The following GRM8 variants were observed in gnomAD, a reference collection of about 807,000 sequenced individuals.
The protein encoded by GRM8 is glutamate metabotropic receptor 8.
Under a neutral mutation model 87.2 loss-of-function variants are expected in GRM8, and 47 were observed. The ratio of observed to expected loss-of-function variants is 0.54; its 90% CI spans 0.43 to 0.69. The LOEUF (loss-of-function observed/expected upper bound fraction) is 0.69. Among genes scored for constraint, GRM8 ranks in the 30% least tolerant of loss-of-function variants. GRM8 has a pLI of 0.00. For synonymous variants in GRM8, 396 were observed against 404.5 expected, an observed-to-expected ratio of 0.98 and a Z score of 0.25; for missense variants, 1,019 against 1,139.2, an observed-to-expected ratio of 0.89 and a Z score of 1.52.
intron 3 of GRM8, among the ~76,000 whole-genome samples, chr7:127,033,009 CT>C (rs5887323): frequency 7.4e-4 from 104 of 139,926 alleles, no homozygotes; most frequent in Admixed American, 2.1e-3. Context: ...CTTTCGTTTC[CT>C]TTTTTTTTTT....
At chr7:127,089,641 T>A (rs1054250523) in intron 3 of GRM8, among the ~76,000 whole-genome samples, 1 of 152,204 alleles carries the variant, frequency 6.6e-6, no homozygotes, top group Non-Finnish European at 1.5e-5. Context: ...TTTACTCCTA[T>A]ACTGTTTTAA....
At chr7:127,231,294 G>A (rs1324957268) in intron 2 of GRM8, among the ~76,000 whole-genome samples, 3 of 152,108 alleles carry the variant, frequency 2.0e-5, no homozygotes, top group African/African-American at 4.8e-5. Flanking sequence ...GCTATACCAG[G>A]CACTGTTCAG....
chr7:126,704,050 T>A (rs758318851), intron 7 of GRM8, among the ~76,000 whole-genome samples: 3 of 152,170 alleles, frequency 2.0e-5, no homozygotes, highest in Non-Finnish European at 4.4e-5. Flanking sequence ...TCAGGACGTC[T>A]ACAACCCTCT....
intron 2 of GRM8, among the ~76,000 whole-genome samples, chr7:127,213,782 G>A (rs1796360084): frequency 6.6e-6 from 1 of 152,070 alleles, no homozygotes; most frequent in East Asian, 1.9e-4. Context: ...TTTGAATATG[G>A]TTTTGTTTAC....
intron 2 of GRM8, among the ~76,000 whole-genome samples, chr7:127,211,389 C>T (rs1380308645): frequency 6.6e-6 from 1 of 152,222 alleles, no homozygotes; most frequent in African/African-American, 2.4e-5. Flanking sequence ...CCAGTCTAGT[C>T]ATTCCGCATT....
At chr7:126,996,722 T>C (rs182338519) in intron 3 of GRM8, among the ~76,000 whole-genome samples, 3 of 151,992 alleles carry the variant, frequency 2.0e-5, no homozygotes, top group Admixed American at 6.6e-5. Context: ...GGCAAATGGG[T>C]CAATTCAGCA....
At chr7:127,094,667 T>C (rs577866266) in intron 3 of GRM8, among the ~76,000 whole-genome samples, 7 of 152,280 alleles carry the variant, frequency 4.6e-5, no homozygotes, top group Admixed American at 1.3e-4. Context: ...GCTCCCAAAC[T>C]GTGGAGGCCA....
chr7:126,602,097 A>G (rs1357662218), intron 8 of GRM8, among the ~76,000 whole-genome samples: 1 of 137,612 alleles, frequency 7.3e-6, no homozygotes, highest in Non-Finnish European at 1.6e-5. Flanking sequence ...TCCATCTTGA[A>G]TTGATTTTTG....
intron 8 of GRM8, among the ~76,000 whole-genome samples, chr7:126,607,021 C>A (rs1798428171): frequency 1.3e-5 from 2 of 152,202 alleles, no homozygotes; most frequent in Admixed American, 6.5e-5. Flanking sequence ...TAATGATAGG[C>A]AGTCCGACAT....
chr7:126,657,215 G>A (rs182546518), intron 7 of GRM8, among the ~76,000 whole-genome samples: 15 of 20,960 alleles, frequency 7.2e-4, no homozygotes, highest in Non-Finnish European at 1.1e-3. Context: ...CTTAAGTTAC[G>A]AGATCAAGTC....
At chr7:126,878,235 C>G (rs1799700926) in intron 6 of GRM8, among the ~76,000 whole-genome samples, 2 of 152,170 alleles carry the variant, frequency 1.3e-5, no homozygotes, top group African/African-American at 4.8e-5. Flanking sequence ...TTACAATTCA[C>G]AAAACTTGTT....
chr7:127,027,197 T>C (rs1816874414), intron 3 of GRM8, among the ~76,000 whole-genome samples: 1 of 152,174 alleles, frequency 6.6e-6, no homozygotes, highest in African/African-American at 2.4e-5. Flanking sequence ...GGTCTATATA[T>C]CTGTTTTGGT....
chr7:126,724,629 G>A (rs905012450), intron 7 of GRM8, among the ~76,000 whole-genome samples: 3 of 152,064 alleles, frequency 2.0e-5, no homozygotes, highest in Admixed American at 1.3e-4. Context: ...GCTTCATAGT[G>A]ATCCATTTAT....
chr7:126,702,891 T>C (rs764009650), intron 7 of GRM8, among the ~76,000 whole-genome samples: 2 of 152,080 alleles, frequency 1.3e-5, no homozygotes, highest in Non-Finnish European at 1.5e-5. Flanking sequence ...AAAGGAGTCA[T>C]GTGGCAAATA....
intron 9 of GRM8, among the ~76,000 whole-genome samples, chr7:126,471,767 T>C (rs960911535): frequency 2.6e-5 from 4 of 151,918 alleles, no homozygotes. Context: ...ATTGAATCTA[T>C]AAATTACCTT....
At chr7:126,620,872 A>T (rs1291193682) in intron 7 of GRM8, among the ~76,000 whole-genome samples, 1 of 152,150 alleles carries the variant, frequency 6.6e-6, no homozygotes, top group Admixed American at 6.6e-5. Context: ...AAAATTATAC[A>T]TCTCTTTGTT....
intron 7 of GRM8, among the ~76,000 whole-genome samples, chr7:126,713,654 T>C (rs1811375096): frequency 6.8e-6 from 1 of 147,502 alleles, no homozygotes; most frequent in Admixed American, 6.7e-5. Flanking sequence ...AATCTAAAAA[T>C]GCTGAGCTCA....
intron 3 of GRM8, among the ~76,000 whole-genome samples, chr7:126,954,812 C>T (rs1394103153): frequency 2.0e-5 from 3 of 152,058 alleles, no homozygotes; most frequent in Admixed American, 2.0e-4. Flanking sequence ...TGCAGTATTA[C>T]TGTTTGCATT....
intron 2 of GRM8, among the ~76,000 whole-genome samples, chr7:127,161,066 A>G (rs1464505249): frequency 6.6e-6 from 1 of 152,150 alleles, no homozygotes; most frequent in Non-Finnish European, 1.5e-5. Flanking sequence ...TACTGTTCCG[A>G]GTTGCTTAAA....
Sources: allele counts gnomAD v4.1 joint callset (sites outside exome capture counted in the v4.1 genomes callset), GRCh38; gene constraint gnomAD v4.1.1; transcripts MANE v1.5; gene names NCBI Gene and HGNC (gene_info 2026-07-23, HGNC 2026-07-21).